Variants in ZC3H12B observed in about 807,000 individuals in gnomAD.
The protein encoded by ZC3H12B is probable ribonuclease ZC3H12B.
In ZC3H12B, 7 loss-of-function variants were observed where a neutral mutation model predicts 43.9. That is an observed-to-expected ratio of 0.16 (90% confidence interval 0.09 to 0.30). The LOEUF is 0.30. Among genes scored for constraint, ZC3H12B ranks in the 10% least tolerant of loss-of-function variants. ZC3H12B has a pLI of 1.00. For synonymous variants in ZC3H12B, 222 were observed against 241.7 expected (o/e 0.92, Z 0.76); for missense variants, 475 against 670.2 (o/e 0.71, Z 3.22).
chrX:65,311,907 CA>C, the ZC3H12B span, among the ~76,000 whole-genome samples: 1 of 111,220 alleles, frequency 9.0e-6, no homozygotes, highest in African/African-American at 3.3e-5. Context: ...GAAAACCAAA[CA>C]CCACATGTTC....
chrX:65,096,437 G>A, the ZC3H12B span, among the ~76,000 whole-genome samples: 1 of 111,820 alleles, frequency 8.9e-6, no homozygotes, highest in Admixed American at 9.5e-5. Flanking sequence ...TAGACAACAT[G>A]TAAGAATAGA....
At chrX:65,216,947 G>A in the ZC3H12B span, among the ~76,000 whole-genome samples, 2 of 111,739 alleles carry the variant, frequency 1.8e-5, no homozygotes, top group African/African-American at 6.5e-5. Flanking sequence ...ATTAGTGGCA[G>A]TTAGGCAGTA....
chrX:65,105,281 A>G, the ZC3H12B span, among the ~76,000 whole-genome samples: 1 of 110,852 alleles, frequency 9.0e-6, no homozygotes, highest in Non-Finnish European at 1.9e-5. Context: ...GAGGGAGGGC[A>G]TTAGGACAAA....
the ZC3H12B span, among the ~76,000 whole-genome samples, chrX:65,360,724 C>CTTT: frequency 8.9e-6 from 1 of 112,210 alleles, no homozygotes; most frequent in Non-Finnish European, 1.9e-5. Flanking sequence ...AAGAATATAT[C>CTTT]TACACAAAGG....
chrX:65,125,247 A>T, the ZC3H12B span, among the ~76,000 whole-genome samples: 1 of 111,794 alleles, frequency 8.9e-6, no homozygotes, highest in Non-Finnish European at 1.9e-5. Flanking sequence ...TAAACCAATG[A>T]TTGTTCAGAA....
the ZC3H12B span, among the ~76,000 whole-genome samples, chrX:65,055,848 C>T: frequency 8.9e-6 from 1 of 111,904 alleles, no homozygotes; most frequent in East Asian, 2.8e-4. Context: ...TCATTCATTT[C>T]TTCTAGATTT....
chrX:65,127,426 A>G, the ZC3H12B span, among the ~76,000 whole-genome samples: 1 of 111,477 alleles, frequency 9.0e-6, no homozygotes, highest in Non-Finnish European at 1.9e-5. Context: ...AATGGACTCT[A>G]GGATGGTTCT....
the ZC3H12B span, among the ~76,000 whole-genome samples, chrX:65,038,101 G>A: frequency 2.7e-5 from 3 of 110,777 alleles, no homozygotes; most frequent in Non-Finnish European, 5.7e-5. Context: ...GAAAAATAAC[G>A]AGGTATGGAG....
At chrX:65,161,467 T>G in the ZC3H12B span, among the ~76,000 whole-genome samples, 3 of 112,116 alleles carry the variant, frequency 2.7e-5, no homozygotes, top group Admixed American at 2.8e-4. Context: ...GCATATATAT[T>G]AATGATAGTT....
the ZC3H12B span, among the ~76,000 whole-genome samples, chrX:65,243,635 A>T: frequency 1.8e-5 from 2 of 111,903 alleles, no homozygotes; most frequent in African/African-American, 6.5e-5. Context: ...ATTCAAAAGG[A>T]TGAAAATCAG....
chrX:65,253,227 G>A, the ZC3H12B span, among the ~76,000 whole-genome samples: 1 of 112,043 alleles, frequency 8.9e-6, no homozygotes, highest in Non-Finnish European at 1.9e-5. Flanking sequence ...CACAGATGCT[G>A]GGCTGAAGGA....
At chrX:65,384,366 T>C (rs1024452327) in intron 2 of ZC3H12B, among the ~76,000 whole-genome samples, 1 of 110,014 alleles carries the variant, frequency 9.1e-6, no homozygotes, top group African/African-American at 3.3e-5. Flanking sequence ...CCGGGGACTG[T>C]TGTGGGGTGT....
the ZC3H12B span, among the ~76,000 whole-genome samples, chrX:65,090,016 T>G: frequency 8.9e-6 from 1 of 112,136 alleles, no homozygotes; most frequent in Non-Finnish European, 1.9e-5. Flanking sequence ...AATAAGTAGA[T>G]GGGGTACACT....
intron 3 of ZC3H12B, among the ~76,000 whole-genome samples, chrX:65,425,674 A>T (rs1266176246): frequency 2.7e-5 from 3 of 111,252 alleles, no homozygotes; most frequent in Non-Finnish European, 5.7e-5. Context: ...ACACGAAGGG[A>T]TGTTGAATTT....
chrX:65,414,902 T>C (rs1211884200), intron 3 of ZC3H12B, among the ~76,000 whole-genome samples: 2 of 112,028 alleles, frequency 1.8e-5, no homozygotes, highest in Non-Finnish European at 3.8e-5. Flanking sequence ...TCGTAAAATG[T>C]TTGAAGAGAT....
the ZC3H12B span, among the ~76,000 whole-genome samples, chrX:65,325,433 T>C: frequency 9.0e-6 from 1 of 111,619 alleles, no homozygotes; most frequent in Non-Finnish European, 1.9e-5. Flanking sequence ...CAAAAATCAA[T>C]AGATTTTCTT....
Position 65,379,329 on chromosome X carries a change from AC to A in ZC3H12B, n.295+10337del, listed in dbSNP as rs2066400629. ...CCCCCATGCAGCCTAACTGGGAGAC[AC>A]CCCCCAGCAAGGGCAGACGGACACC... On this transcript the variant is annotated intron_variant and non_coding_transcript_variant, in intron 2 of 5. Coordinates refer to the ZC3H12B transcript ENST00000617377. Among the ~76,000 whole-genome samples, 3 of 110,862 alleles carry A rather than the reference AC, an allele frequency of 2.7e-5. No individual in the cohort carries two copies. In the South Asian group the frequency reaches 1.2e-3, roughly 43 times the overall value.
At chrX:65,144,849 G>T in the ZC3H12B span, among the ~76,000 whole-genome samples, 3 of 111,383 alleles carry the variant, frequency 2.7e-5, no homozygotes, top group Non-Finnish European at 3.8e-5. Flanking sequence ...ATATAATTTT[G>T]ATTTTCTTAA....
At chrX:65,123,725 G>GT in the ZC3H12B span, among the ~76,000 whole-genome samples, 4 of 89,396 alleles carry the variant, frequency 4.5e-5, no homozygotes, top group East Asian at 1.1e-3. Context: ...AGTTGTTGTT[G>GT]TTTCTTTTTT....
Sources: allele counts gnomAD v4.1 joint callset (sites outside exome capture counted in the v4.1 genomes callset), GRCh38; gene constraint gnomAD v4.1.1; transcripts MANE v1.5; gene names NCBI Gene and HGNC (gene_info 2026-07-23, HGNC 2026-07-21).